Variants in GRID2 observed in about 807,000 individuals in gnomAD.
The protein encoded by GRID2 is glutamate receptor ionotropic, delta-2.
Under a neutral mutation model 114.8 loss-of-function variants are expected in GRID2, and 33 were observed. The observed-to-expected ratio is 0.29, with a 90% confidence interval of 0.22 to 0.38. The LOEUF (loss-of-function observed/expected upper bound fraction) is 0.38. Ranked by LOEUF, GRID2 falls within the 10% of genes least tolerant of loss-of-function variation. The pLI, the probability that GRID2 is intolerant of heterozygous loss-of-function variation, is 1.00. For missense variants in GRID2, 1,184 were observed against 1,257.7 expected, an observed-to-expected ratio of 0.94 and a Z score of 0.89; for synonymous variants, 505 against 449.9, an observed-to-expected ratio of 1.12 and a Z score of -1.55.
At chr4:93,370,582 G>T (rs1324329810) in intron 8 of GRID2, among the ~76,000 whole-genome samples, 2 of 152,062 alleles carry the variant, frequency 1.3e-5, no homozygotes, top group East Asian at 3.9e-4. Flanking sequence ...AACTGCATTT[G>T]CTCATGTTAT....
At position 92,801,995 on chromosome 4, in the gene GRID2, T is replaced by A. The variant is rs184884070; in HGVS notation, c.244+211709T>A. ...CAATGAAATACCACATTGTTTTTTT[T>A]AAAAAAAACTTCATAATATACTATC... On this transcript the variant is annotated intron_variant, in intron 2 of 15. Coordinates refer to ENST00000282020, the MANE Select transcript of GRID2 (RefSeq NM_001510.4). 2.7e-3 allele frequency among the ~76,000 whole-genome samples: 405 copies of A among 151,854 alleles called. 1 individual carries two copies. The highest frequency in any genetic ancestry group is 3.4e-3 in the Middle Eastern group (1 of 294).
At chr4:93,644,054 C>T (rs1175150532) in intron 14 of GRID2, among the ~76,000 whole-genome samples, 2 of 77,848 alleles carry the variant, frequency 2.6e-5, no homozygotes, top group Admixed American at 1.1e-4. Context: ...GCGCAATATT[C>T]GGGTGGGAGT....
At chr4:92,661,223 T>C (rs1310308029) in intron 2 of GRID2, among the ~76,000 whole-genome samples, 1 of 150,824 alleles carries the variant, frequency 6.6e-6, no homozygotes, top group Non-Finnish European at 1.5e-5. Context: ...AATAAAGAGG[T>C]GTTCTAAGAA....
chr4:93,230,280 T>C (rs1301203345), intron 7 of GRID2, among the ~76,000 whole-genome samples: 1 of 152,042 alleles, frequency 6.6e-6, no homozygotes, highest in East Asian at 1.9e-4. Context: ...TGATCAACTT[T>C]CCAAACTTAA....
intron 4 of GRID2, among the ~76,000 whole-genome samples, chr4:93,192,031 G>T (rs1488331302): frequency 2.0e-5 from 3 of 152,016 alleles, no homozygotes. Context: ...TACATTTGAA[G>T]ACTTGATGGT....
intron 2 of GRID2, among the ~76,000 whole-genome samples, chr4:92,756,770 T>G (rs912373472): frequency 1.3e-5 from 2 of 152,152 alleles, no homozygotes; most frequent in Admixed American, 1.3e-4. Context: ...TTTTGAGTAG[T>G]GTGTATTTAG....
chr4:93,672,036 A>T (rs1724468667), intron 14 of GRID2, among the ~76,000 whole-genome samples: 1 of 152,158 alleles, frequency 6.6e-6, no homozygotes, highest in Non-Finnish European at 1.5e-5. Context: ...AACACAAGCA[A>T]TGAAGGTATC....
chr4:92,457,914 A>G (rs1721296138), intron 1 of GRID2, among the ~76,000 whole-genome samples: 2 of 152,216 alleles, frequency 1.3e-5, no homozygotes, highest in African/African-American at 4.8e-5. Flanking sequence ...TTGAAATGAA[A>G]AATAATTTCT....
intron 3 of GRID2, among the ~76,000 whole-genome samples, chr4:93,095,101 T>A (rs577810049): frequency 6.6e-6 from 1 of 152,174 alleles, no homozygotes; most frequent in African/African-American, 2.4e-5. Context: ...AATATTTTGA[T>A]AAAACACTAG....
chr4:93,342,020 C>G (rs529793548), intron 8 of GRID2, among the ~76,000 whole-genome samples: 3 of 152,130 alleles, frequency 2.0e-5, no homozygotes, highest in Non-Finnish European at 4.4e-5. Flanking sequence ...CCACTATTAT[C>G]TTGGTCCAAG....
intron 2 of GRID2, among the ~76,000 whole-genome samples, chr4:92,931,910 A>G (rs1750270010): frequency 6.6e-6 from 1 of 151,304 alleles, no homozygotes; most frequent in Admixed American, 6.6e-5. Context: ...AAATTACTAG[A>G]TATTTGCATA....
At chr4:93,695,318 T>G (rs1726926608) in intron 14 of GRID2, among the ~76,000 whole-genome samples, 1 of 152,230 alleles carries the variant, frequency 6.6e-6, no homozygotes. Flanking sequence ...TACTCATTTA[T>G]TGTAGGACTG....
chr4:93,616,602 TTATTA>T (rs890229602), intron 13 of GRID2, among the ~76,000 whole-genome samples: 113 of 123,734 alleles, frequency 9.1e-4, no homozygotes, highest in Non-Finnish European at 1.5e-3. Flanking sequence ...AATAAATATT[TTATTA>T]TATTTATAAA....
At chr4:93,761,572 G>A (rs1733211946) in intron 14 of GRID2, among the ~76,000 whole-genome samples, 1 of 152,094 alleles carries the variant, frequency 6.6e-6, no homozygotes, top group Non-Finnish European at 1.5e-5. Context: ...AAAGCTTGCT[G>A]ACCTCTAGTC....
In GRID2 at chr4:93,110,759, A is replaced by T; in HGVS notation, c.541A>T (p.Ile181Leu). ...TTTGATGTTTCCAGATATCCGTGGA[A>T]TACAGGAGTTCTTGGACAAAGTCTC... ...FYDSEYDIRG[I>L]QEFLDKVSQQ... Residue 181 changes from isoleucine (I) to leucine (L), a missense_variant, in exon 4 of 16, where the codon ATA (isoleucine) becomes TTA (leucine). Transcript: ENST00000282020. 1 of 1,607,802 alleles carries T rather than the reference A, an allele frequency of 6.2e-7. No individual in the cohort carries two copies. Among genetic ancestry groups the T allele is most frequent in the Non-Finnish European group, 8.5e-7 (1 of 1,174,176 alleles).
chr4:93,398,336 G>A (rs1458614564), intron 9 of GRID2, among the ~76,000 whole-genome samples: 1 of 150,758 alleles, frequency 6.6e-6, no homozygotes, highest in Non-Finnish European at 1.5e-5. Flanking sequence ...GAGCCTTGTG[G>A]TTTTACAGAC....
At chr4:93,480,616 T>G (rs1388063758) in intron 11 of GRID2, among the ~76,000 whole-genome samples, 1 of 152,086 alleles carries the variant, frequency 6.6e-6, no homozygotes, top group Non-Finnish European at 1.5e-5. Context: ...GAAACAGCCA[T>G]GACTCACTGT....
intron 2 of GRID2, among the ~76,000 whole-genome samples, chr4:92,627,630 C>A (rs1366974238): frequency 6.6e-6 from 1 of 151,886 alleles, no homozygotes; most frequent in Admixed American, 6.6e-5. Context: ...GTGATGCATC[C>A]CAGCCCACTA....
At chr4:93,206,623 CACACA>C (rs1742823968) in intron 4 of GRID2, among the ~76,000 whole-genome samples, 1 of 151,780 alleles carries the variant, frequency 6.6e-6, no homozygotes, top group African/African-American at 2.4e-5. Context: ...CACACACACA[CACACA>C]CGCATGCACA....
Sources: gnomAD v4.1 joint callset for allele counts (sites outside exome capture counted in the v4.1 genomes callset) on GRCh38, gnomAD v4.1.1 for gene constraint, MANE v1.5 for transcripts, NCBI Gene and HGNC (gene_info 2026-07-23, HGNC 2026-07-21) for gene names.